Variants in PTPRE observed in about 807,000 individuals in gnomAD.
The protein encoded by PTPRE is receptor-type tyrosine-protein phosphatase epsilon.
A neutral mutation model predicts 102.0 loss-of-function variants in PTPRE; 51 were observed. The observed-to-expected ratio is 0.50, with a 90% confidence interval of 0.40 to 0.63. PTPRE has a LOEUF of 0.63. Ranked by LOEUF, PTPRE falls within the 30% of genes least tolerant of loss-of-function variation. PTPRE has a pLI of 0.00. For missense variants in PTPRE, 752 were observed against 915.1 expected (o/e 0.82, Z 2.30); for synonymous variants, 345 against 348.2 (o/e 0.99, Z 0.10).
At chr10:128,074,430 C>T (rs1458135471) in intron 17 of PTPRE, among the ~76,000 whole-genome samples, 1 of 152,202 alleles carries the variant, frequency 6.6e-6, no homozygotes, top group African/African-American at 2.4e-5. Flanking sequence ...CTTTGGGAGT[C>T]CAAGGCGGGC....
At chr10:127,916,808 A>G (rs975662848) in intron 1 of PTPRE, among the ~76,000 whole-genome samples, 1 of 152,208 alleles carries the variant, frequency 6.6e-6, no homozygotes, top group African/African-American at 2.4e-5. Flanking sequence ...GTCTTAAATT[A>G]TGACCCCCTT....
In PTPRE at chr10:128,040,954, A is replaced by C. The variant is rs963846338; in HGVS notation, c.73A>C (p.Thr25Pro). The part of the protein sequence containing the change: ...PLARALRGNE[T>P]TADSNETTTT... ...CGCCAGGGCTCTCAGGGGCAACGAG[A>C]CCACTGCCGACAGCAACGAGACAAC... The change falls in exon 3 of 21, where the codon ACC (threonine) becomes CCC (proline). Residue 25 changes from threonine (T) to proline (P), a missense_variant. Physicochemically the swap from Thr to Pro is conservative, Grantham distance 38. Transcript: ENST00000254667. 67 of 1,613,844 alleles carry C rather than the reference A, an allele frequency of 4.2e-5. No individual in the cohort carries two copies. The Middle Eastern group carries it at 4.9e-4, about 12-fold the overall frequency.
intron 3 of PTPRE, 136 bp from the exon 4 acceptor site, chr10:128,047,254 T>G: frequency 7.6e-7 from 1 of 1,308,340 alleles, no homozygotes; most frequent in Non-Finnish European, 1.0e-6. Flanking sequence ...TCGTGGGGCC[T>G]TTTCAGGATG....
chr10:128,003,618 G>C (rs540039932), intron 2 of PTPRE, among the ~76,000 whole-genome samples: 1 of 152,122 alleles, frequency 6.6e-6, no homozygotes, highest in Admixed American at 6.6e-5. Flanking sequence ...ATGCATTTGT[G>C]GCAGTTCACG....
intron 9 of PTPRE, among the ~76,000 whole-genome samples, chr10:128,062,737 T>A (rs1849718917): frequency 6.6e-6 from 1 of 152,202 alleles, no homozygotes; most frequent in South Asian, 2.1e-4. Flanking sequence ...GAATGCAGGG[T>A]GAGGCTGGCC....
rs372423181 is a variant in PTPRE at position 127,994,027 on chromosome 10, C to G, written c.-8+11731C>G. 4.6e-5 allele frequency among the ~76,000 whole-genome samples: 7 copies of G among 152,302 alleles called. No homozygotes were observed. In the East Asian group the frequency reaches 1.4e-3, roughly 29 times the overall value. On this transcript the variant is annotated intron_variant, in intron 2 of 20. Coordinates refer to ENST00000254667, the MANE Select transcript of PTPRE (RefSeq NM_006504.6). Reference sequence around the variant, plus strand: ...TCATACCCCGGCACATGTCCCATTGCCCCACCAGAGTTCCCTCACAAAACA... The same window carrying G: ...TCATACCCCGGCACATGTCCCATTGGCCCACCAGAGTTCCCTCACAAAACA...
intron 1 of PTPRE, 121 bp from the exon 2 acceptor site, chr10:127,982,153 C>A: frequency 8.3e-6 from 4 of 481,272 alleles, no homozygotes; most frequent in South Asian, 4.0e-5. Context: ...TCCAGAAGAC[C>A]CTGAACAATT....
At chr10:127,923,990 G>T (rs1846819593) in intron 1 of PTPRE, among the ~76,000 whole-genome samples, 1 of 152,178 alleles carries the variant, frequency 6.6e-6, no homozygotes, top group Non-Finnish European at 1.5e-5. Flanking sequence ...TGAGTCCAGG[G>T]TACATTTGGT....
intron 1 of PTPRE, among the ~76,000 whole-genome samples, chr10:127,980,346 T>G (rs1851509865): frequency 2.0e-5 from 3 of 152,134 alleles, no homozygotes. Flanking sequence ...TCCTTTTTTT[T>G]TTTTTTGTAT....
At chr10:128,030,722 T>C (rs1294806289) in intron 2 of PTPRE, among the ~76,000 whole-genome samples, 1 of 152,192 alleles carries the variant, frequency 6.6e-6, no homozygotes, top group Non-Finnish European at 1.5e-5. Context: ...CTCTGAACAC[T>C]GAGGGTTGGC....
chr10:128,042,734 T>C (rs1463855508), intron 3 of PTPRE, among the ~76,000 whole-genome samples: 2 of 152,238 alleles, frequency 1.3e-5, no homozygotes, highest in Non-Finnish European at 2.9e-5. Context: ...AGCTGTTTCA[T>C]TTGTTCATCG....
At position 127,907,400 on chromosome 10, in the gene PTPRE, C is replaced by T; in HGVS notation, c.-31+91C>T. On this transcript the variant is annotated intron_variant, in intron 1 of 20. Coordinates refer to ENST00000254667, the MANE Select transcript of PTPRE (RefSeq NM_006504.6). This position sits in a 1 kb window ranked among gnomAD's most constrained non-coding sequence, Gnocchi z 4.8. Reference sequence around the variant, plus strand: ...GCAGGCCGGGGCGCTGCCTCGGCCGCTGCCGCGGGAGGGAGGGGCCGCTCC... The same window carrying T: ...GCAGGCCGGGGCGCTGCCTCGGCCGTTGCCGCGGGAGGGAGGGGCCGCTCC... 2.1e-6 allele frequency: 2 copies of T among 946,144 alleles called. No homozygotes were observed. Among genetic ancestry groups the T allele is most frequent in the South Asian group, 4.9e-5 (1 of 20,448 alleles). The allele number at this position is 946,144 out of a possible 1,614,324, so 58.6% of individuals were successfully genotyped here.
intron 2 of PTPRE, chr10:127,998,710 G>T (rs1853541294): frequency 6.6e-6 from 1 of 152,178 alleles, no homozygotes; most frequent in African/African-American, 2.4e-5. Context: ...ACTCAAAATT[G>T]TGTTGGAGCT....
chr10:128,044,126 A>G (rs1375449411), intron 3 of PTPRE, among the ~76,000 whole-genome samples: 1 of 152,244 alleles, frequency 6.6e-6, no homozygotes, highest in East Asian at 1.9e-4. Flanking sequence ...CAGGAAAGAT[A>G]CGCTTTGAAA....
chr10:128,016,905 C>T (rs1325036168), intron 2 of PTPRE, among the ~76,000 whole-genome samples: 1 of 152,228 alleles, frequency 6.6e-6, no homozygotes, highest in Non-Finnish European at 1.5e-5. Flanking sequence ...GCCTTGGCTC[C>T]CTCTGCCCCA....
Position 127,977,984 on chromosome 10 carries a change from G to A in PTPRE, c.-30-4290G>A, listed in dbSNP as rs141117944. ...CAACTCTGTGGCCAGGCTGGTCCAG[G>A]CCTCTGTGGGCCAGGCTACTTCCAA... On this transcript the variant is annotated intron_variant, in intron 1 of 20. Coordinates refer to ENST00000254667, the MANE Select transcript of PTPRE (RefSeq NM_006504.6). Among the ~76,000 whole-genome samples the A allele has an allele frequency of 1.3e-3, 198 of 152,298 alleles. 2 individuals are homozygous for A. Among genetic ancestry groups the A allele is most frequent in the East Asian group, 4.3e-3 (22 of 5,174 alleles).
chr10:128,078,713 G>T (rs1375784797), intron 19 of PTPRE, among the ~76,000 whole-genome samples: 2 of 152,176 alleles, frequency 1.3e-5, no homozygotes, highest in African/African-American at 4.8e-5. Context: ...TGGTTTTCCT[G>T]GTGCCTTCCA....
At chr10:127,969,760 G>A (rs531081798) in intron 1 of PTPRE, among the ~76,000 whole-genome samples, 47 of 152,066 alleles carry the variant, frequency 3.1e-4, no homozygotes, top group Non-Finnish European at 6.5e-4. Flanking sequence ...CGGTCAGACT[G>A]GGGCTCTTTT....
At chr10:127,939,603 AAAGAGC>A (rs1397828938) in intron 1 of PTPRE, among the ~76,000 whole-genome samples, 1 of 152,180 alleles carries the variant, frequency 6.6e-6, no homozygotes, top group African/African-American at 2.4e-5. Context: ...ACAGAAATTG[AAAGAGC>A]AACCCAAGGA....
Sources: gnomAD v4.1 joint callset for allele counts (sites outside exome capture counted in the v4.1 genomes callset) on GRCh38, gnomAD v4.1.1 for gene constraint, Gnocchi (gnomAD v3.1) non-coding constraint, MANE v1.5 for transcripts, NCBI Gene and HGNC (gene_info 2026-07-23, HGNC 2026-07-21) for gene names.